Variants in CHN1 observed in about 807,000 individuals in gnomAD.
CHN1 encodes chimerin 1.
Under a neutral mutation model 59.5 loss-of-function variants are expected in CHN1, and 37 were observed. That is an observed-to-expected ratio of 0.62 (90% CI 0.48 to 0.82). The LOEUF is 0.82. CHN1 is among the 40% of genes least tolerant of loss of function. The pLI is 0.00. For missense variants in CHN1, 469 were observed against 571.0 expected, an observed-to-expected ratio of 0.82 and a Z score of 1.82; for synonymous variants, 206 against 200.4, an observed-to-expected ratio of 1.03 and a Z score of -0.24.
intron 6 of CHN1, among the ~76,000 whole-genome samples, chr2:174,850,436 G>A (rs1254370210): frequency 1.3e-5 from 2 of 152,164 alleles, no homozygotes; most frequent in African/African-American, 4.8e-5. Context: ...CTGACCTTGG[G>A]AGTTCTGCTT....
At chr2:174,964,001 T>C (rs183892998) in intron 1 of CHN1, among the ~76,000 whole-genome samples, 15 of 152,346 alleles carry the variant, frequency 9.8e-5, no homozygotes, top group African/African-American at 3.1e-4. Context: ...AAAATAAGCC[T>C]AAGTTAATTC....
intron 5 of CHN1, among the ~76,000 whole-genome samples, chr2:174,891,439 G>C (rs1381119043): frequency 6.6e-6 from 1 of 151,390 alleles, no homozygotes; most frequent in Non-Finnish European, 1.5e-5. Context: ...GCTTGGTGGT[G>C]GGCACTTGTA....
At position 174,981,871 on chromosome 2, in the gene CHN1, G is replaced by A. The variant is rs185484809; in HGVS notation, c.19+23023C>T. Among the ~76,000 whole-genome samples, 244 of 152,108 alleles carry A rather than the reference G, an allele frequency of 1.6e-3. 2 individuals carry two copies. Among genetic ancestry groups the A allele is most frequent in the Admixed American group, 0.014 (216 of 15,266 alleles). Reference sequence around the variant, plus strand: ...GCAGGTTTGTTACATATGTATACATGTGCCATGTTGGTGTGCTGCACCCAT... The same window carrying A: ...GCAGGTTTGTTACATATGTATACATATGCCATGTTGGTGTGCTGCACCCAT... On this transcript the variant is annotated intron_variant, in intron 1 of 12. Transcript: ENST00000409900.
At chr2:175,003,331 T>A (rs1463364715) in intron 1 of CHN1, among the ~76,000 whole-genome samples, 1 of 152,218 alleles carries the variant, frequency 6.6e-6, no homozygotes, top group Non-Finnish European at 1.5e-5. Context: ...CTGGGAGTGA[T>A]TTCTTATACT....
At chr2:174,852,794 G>C (rs1026743782) in intron 6 of CHN1, among the ~76,000 whole-genome samples, 7 of 151,996 alleles carry the variant, frequency 4.6e-5, no homozygotes, top group African/African-American at 7.3e-5. Context: ...AAAACAATCT[G>C]ATCTTCGACA....
At chr2:174,935,930 C>T (rs969783143) in intron 3 of CHN1, among the ~76,000 whole-genome samples, 1 of 152,058 alleles carries the variant, frequency 6.6e-6, no homozygotes, top group African/African-American at 2.4e-5. Context: ...AAGATTCTGT[C>T]TCTAAAAAAT....
At chr2:174,898,514 G>C (rs1001268363) in intron 5 of CHN1, among the ~76,000 whole-genome samples, 38 of 151,750 alleles carry the variant, frequency 2.5e-4, no homozygotes, top group African/African-American at 8.5e-4. Context: ...TGAGGCAGGA[G>C]AATCACTTGA....
At chr2:174,966,554 A>C (rs980431794) in intron 1 of CHN1, among the ~76,000 whole-genome samples, 2 of 152,232 alleles carry the variant, frequency 1.3e-5, no homozygotes, top group African/African-American at 4.8e-5. Context: ...AGACCTAAGC[A>C]GTTTCCTGTA....
chr2:174,809,801 G>A (rs143073029), intron 10 of CHN1, among the ~76,000 whole-genome samples: 1 of 152,176 alleles, frequency 6.6e-6, no homozygotes, highest in South Asian at 2.1e-4. Context: ...CTTGCCTCCA[G>A]CAGACTAGGA....
rs747992682 is a variant in CHN1 at position 174,823,934 on chromosome 2, A to C, written c.712+500T>G. On this transcript the variant is annotated intron_variant, in intron 8 of 12. Coordinates refer to ENST00000409900, the MANE Select transcript of CHN1 (RefSeq NM_001822.7). ...AATATTAGTGACTAAGTGGTTTTTCAGAATTTGGTAACCATCTTTGAAGAT... is the reference window on the plus strand; with the variant it reads ...AATATTAGTGACTAAGTGGTTTTTCCGAATTTGGTAACCATCTTTGAAGAT... 3.3e-5 allele frequency among the ~76,000 whole-genome samples: 5 copies of C among 152,330 alleles called. No individual in the cohort carries two copies. In the South Asian group the frequency reaches 1.0e-3, roughly 32 times the overall value.
At chr2:174,881,345 T>C (rs781035205) in intron 5 of CHN1, among the ~76,000 whole-genome samples, 6 of 152,190 alleles carry the variant, frequency 3.9e-5, no homozygotes, top group Non-Finnish European at 8.8e-5. Flanking sequence ...GGGTCCTATA[T>C]GTTTAAGAGA....
At chr2:174,825,929 A>C (rs755174962) in intron 7 of CHN1, among the ~76,000 whole-genome samples, 5 of 152,254 alleles carry the variant, frequency 3.3e-5, no homozygotes, top group Non-Finnish European at 7.3e-5. Flanking sequence ...CCAAATTCAG[A>C]GACATTAAAA....
intron 5 of CHN1, among the ~76,000 whole-genome samples, chr2:174,900,582 G>C (rs544836122): frequency 2.0e-5 from 3 of 152,188 alleles, no homozygotes; most frequent in Non-Finnish European, 4.4e-5. Flanking sequence ...AAGGCGGGTG[G>C]ATCACCTGAG....
At chr2:174,920,976 A>G in intron 3 of CHN1, 1 of 434,412 alleles carries the variant, frequency 2.3e-6, no homozygotes, top group South Asian at 1.6e-5. Context: ...GGGGCATGCA[A>G]CCTAGGTCCC....
At chr2:174,972,505 C>T (rs1690790271) in intron 1 of CHN1, among the ~76,000 whole-genome samples, 1 of 152,152 alleles carries the variant, frequency 6.6e-6, no homozygotes, top group Admixed American at 6.5e-5. Context: ...AATATTTAGT[C>T]TATGAATCAC....
chr2:174,987,852 T>C (rs1023848383), intron 1 of CHN1, among the ~76,000 whole-genome samples: 14 of 152,272 alleles, frequency 9.2e-5, no homozygotes, highest in African/African-American at 3.4e-4. Flanking sequence ...GATGGCAATT[T>C]TATATAGATG....
chr2:174,875,223 CA>C (rs1687530788), intron 6 of CHN1, among the ~76,000 whole-genome samples: 1 of 152,158 alleles, frequency 6.6e-6, no homozygotes, highest in African/African-American at 2.4e-5. Context: ...CCTATTTGAG[CA>C]TAGAACCCTT....
At position 174,835,199 on chromosome 2, in the gene CHN1, C is replaced by T. The variant is rs547202654; in HGVS notation, c.628-10681G>A. 2.0e-5 allele frequency among the ~76,000 whole-genome samples: 3 copies of T among 152,308 alleles called. No homozygotes were observed. In the East Asian group the frequency reaches 5.8e-4, roughly 29 times the overall value. Reference sequence around the variant, plus strand: ...TGAATGAATATTGCTTTCAGACCATCATAAGGTCAAAAATCATAAGCTGAG... The same window carrying T: ...TGAATGAATATTGCTTTCAGACCATTATAAGGTCAAAAATCATAAGCTGAG... On this transcript the variant is annotated intron_variant, in intron 7 of 12. Transcript: ENST00000409900.
Position 174,799,024 on chromosome 2 carries a change from T to C in CHN1, c.*1092A>G, listed in dbSNP as rs1684631506. ...CCACCAGGTTGGCCTCTGGGGCTCATCTCTCAGGCAGCATTGTCAGCTCAA... is the reference window on the plus strand; with the variant it reads ...CCACCAGGTTGGCCTCTGGGGCTCACCTCTCAGGCAGCATTGTCAGCTCAA... On this transcript the variant is annotated 3_prime_UTR_variant, in exon 13 of 13. Transcript: ENST00000409900. Among the ~76,000 whole-genome samples the C allele has an allele frequency of 6.6e-6, 1 of 152,216 alleles. No individual in the cohort carries two copies. Among genetic ancestry groups the C allele is most frequent in the South Asian group, 2.1e-4 (1 of 4,832 alleles).
Sources: allele counts gnomAD v4.1 joint callset (sites outside exome capture counted in the v4.1 genomes callset), GRCh38; gene constraint gnomAD v4.1.1; transcripts MANE v1.5; gene names NCBI Gene and HGNC (gene_info 2026-07-23, HGNC 2026-07-21).